Variants in CACNB2 observed in about 807,000 individuals in gnomAD.
CACNB2 encodes voltage-dependent L-type calcium channel subunit beta-2.
A neutral mutation model predicts 73.3 loss-of-function variants in CACNB2; 42 were observed. The ratio of observed to expected loss-of-function variants is 0.57; its 90% CI spans 0.45 to 0.74. The LOEUF (loss-of-function observed/expected upper bound fraction) is 0.74, where lower values mean the gene tolerates loss of function less well. CACNB2 is among the 30% of genes least tolerant of loss of function. CACNB2 has a pLI of 0.00. For synonymous variants in CACNB2, 348 were observed against 310.3 expected, an observed-to-expected ratio of 1.12 and a Z score of -1.28; for missense variants, 940 against 853.0, an observed-to-expected ratio of 1.10 and a Z score of -1.27.
intron 2 of CACNB2, among the ~76,000 whole-genome samples, chr10:18,232,953 G>C (rs996243634): frequency 6.6e-6 from 1 of 152,110 alleles, no homozygotes; most frequent in African/African-American, 2.4e-5. Context: ...CGGGTGTGGT[G>C]GCACACACCT....
At chr10:18,193,725 A>G (rs2034504575) in intron 2 of CACNB2, among the ~76,000 whole-genome samples, 1 of 152,098 alleles carries the variant, frequency 6.6e-6, no homozygotes, top group Non-Finnish European at 1.5e-5. Context: ...TAGAAAGGAA[A>G]CTAAAGCTTT....
intron 2 of CACNB2, among the ~76,000 whole-genome samples, chr10:18,165,990 A>G (rs1455634372): frequency 1.3e-5 from 2 of 152,198 alleles, no homozygotes; most frequent in Non-Finnish European, 2.9e-5. Flanking sequence ...CTATTAAGAA[A>G]GTTATTTAGC....
At chr10:18,484,733 G>A (rs2132876573) in intron 3 of CACNB2, among the ~76,000 whole-genome samples, 1 of 152,268 alleles carries the variant, frequency 6.6e-6, no homozygotes, top group African/African-American at 2.4e-5. Flanking sequence ...ACCACGCAGT[G>A]CTGGATTTTA....
At chr10:18,173,687 G>A (rs953465056) in intron 2 of CACNB2, among the ~76,000 whole-genome samples, 6 of 152,172 alleles carry the variant, frequency 3.9e-5, no homozygotes, top group Admixed American at 3.9e-4. Context: ...TCTGAATATA[G>A]AGAGACATTT....
At chr10:18,395,130 G>C (rs1053399172) in intron 2 of CACNB2, among the ~76,000 whole-genome samples, 2 of 152,080 alleles carry the variant, frequency 1.3e-5, no homozygotes, top group Non-Finnish European at 2.9e-5. Context: ...GAGAGAGAGA[G>C]ACTGAACAAG....
Position 18,140,838 on chromosome 10 carries a change from G to T in CACNB2, c.102G>T (p.Ala34=), listed in dbSNP as rs370839320. 1.9e-4 allele frequency: 309 copies of T among 1,602,016 alleles called. 2 individuals are homozygous for T. The highest frequency in any genetic ancestry group is 2.3e-4 in the Non-Finnish European group (267 of 1,176,150). The part of the protein sequence containing the change: ...ELLENVAPAG[A]LGAAAQSYGK... ...TAGAGAACGTGGCTCCCGCGGGGGC[G>T]CTCGGAGCCGCCGCACAGGTAGCGA... Residue 34 remains alanine (A), a synonymous_variant, in exon 1 of 14, where the codon GCG becomes GCT. Transcript: ENST00000324631.
chr10:18,335,820 CACACAT>C (rs147822352), intron 2 of CACNB2, among the ~76,000 whole-genome samples: 11 of 145,144 alleles, frequency 7.6e-5, no homozygotes, highest in Non-Finnish European at 9.2e-5. Flanking sequence ...CACACACACA[CACACAT>C]ACACACACAG....
intron 11 of CACNB2, among the ~76,000 whole-genome samples, chr10:18,534,432 A>T (rs1162331051): frequency 6.6e-6 from 1 of 152,150 alleles, no homozygotes; most frequent in African/African-American, 2.4e-5. Flanking sequence ...ATCCCTGGAG[A>T]GTGTTGAGAC....
At chr10:18,281,507 A>G (rs539151179) in intron 2 of CACNB2, among the ~76,000 whole-genome samples, 1 of 152,082 alleles carries the variant, frequency 6.6e-6, no homozygotes. Flanking sequence ...TTCAGTAGGG[A>G]CTCATTTAGT....
chr10:18,468,167 T>G (rs1468524244), intron 3 of CACNB2, among the ~76,000 whole-genome samples: 1 of 152,116 alleles, frequency 6.6e-6, no homozygotes, highest in Non-Finnish European at 1.5e-5. Flanking sequence ...ACTGAAAAAC[T>G]TAAATATACA....
At chr10:18,360,973 C>A (rs1337019649) in intron 2 of CACNB2, among the ~76,000 whole-genome samples, 1 of 152,168 alleles carries the variant, frequency 6.6e-6, no homozygotes, top group Non-Finnish European at 1.5e-5. Flanking sequence ...GCTGACCTTT[C>A]TTTTCTGTTC....
In CACNB2 at chr10:18,463,584, GT is replaced by G. The variant is rs869153577; in HGVS notation, c.334-34761del. 4.3e-5 allele frequency among the ~76,000 whole-genome samples: 4 copies of G among 93,356 alleles called. No homozygotes were observed. In the East Asian group the frequency reaches 9.0e-4, roughly 21 times the overall value. The allele number at this position is 93,356 out of a possible 152,430, so 61.2% of individuals were successfully genotyped here. On this transcript the variant is annotated intron_variant, in intron 3 of 13. Coordinates refer to ENST00000324631, the MANE Select transcript of CACNB2 (RefSeq NM_201596.3). The stretch of plus-strand genomic sequence containing the variant: ...TGCACGCCACAATGCCCTGCTAGTT[GT>G]TTTTTTTTTGTTGTTTTTTGTTTTT...
chr10:18,175,174 A>T (rs1257464776), intron 2 of CACNB2, among the ~76,000 whole-genome samples: 2 of 152,148 alleles, frequency 1.3e-5, no homozygotes, highest in Non-Finnish European at 2.9e-5. Flanking sequence ...CAATATAATT[A>T]TGTTGGTTAC....
At chr10:18,433,124 G>GAT (rs68101548) in intron 3 of CACNB2, among the ~76,000 whole-genome samples, 142 of 148,552 alleles carry the variant, frequency 9.6e-4, no homozygotes, top group South Asian at 4.7e-3. Flanking sequence ...TGCGTGTATT[G>GAT]ATATATATAT....
At chr10:18,419,192 G>A (rs904171606) in intron 3 of CACNB2, among the ~76,000 whole-genome samples, 33 of 152,298 alleles carry the variant, frequency 2.2e-4, no homozygotes, top group Middle Eastern at 3.4e-3. Context: ...TCCTCTGAGC[G>A]TACTGTGACT....
chr10:18,143,164 T>G (rs2030604205), intron 1 of CACNB2, among the ~76,000 whole-genome samples: 1 of 152,166 alleles, frequency 6.6e-6, no homozygotes, highest in Admixed American at 6.5e-5. Context: ...GAATCTTTAG[T>G]GTATTGAGCG....
chr10:18,292,412 C>A (rs1204528950), intron 2 of CACNB2, among the ~76,000 whole-genome samples: 2 of 152,174 alleles, frequency 1.3e-5, no homozygotes, highest in African/African-American at 2.4e-5. Flanking sequence ...AATCCCAGTA[C>A]TTTAGGAGGC....
chr10:18,376,633 C>G (rs929748784), intron 2 of CACNB2, among the ~76,000 whole-genome samples: 1 of 152,164 alleles, frequency 6.6e-6, no homozygotes, highest in Non-Finnish European at 1.5e-5. Context: ...AGGCTTATCA[C>G]AAGCTTAGAA....
intron 2 of CACNB2, among the ~76,000 whole-genome samples, chr10:18,230,803 G>A (rs2036196038): frequency 6.6e-6 from 1 of 151,276 alleles, no homozygotes; most frequent in Admixed American, 6.6e-5. Context: ...AGTCCCACAT[G>A]AGGTGAAACT....
Sources: allele counts gnomAD v4.1 joint callset (sites outside exome capture counted in the v4.1 genomes callset), GRCh38; gene constraint gnomAD v4.1.1; transcripts MANE v1.5; gene names NCBI Gene and HGNC (gene_info 2026-07-23, HGNC 2026-07-21).